Variants in PITPNC1 observed in about 807,000 individuals in gnomAD.
PITPNC1 encodes the protein phosphatidylinositol transfer protein cytoplasmic 1.
In PITPNC1, 18 loss-of-function variants were observed where a neutral mutation model predicts 44.7. The ratio of observed to expected loss-of-function variants is 0.40; its 90% CI spans 0.28 to 0.60. PITPNC1 has a LOEUF of 0.60. PITPNC1 is among the 20% of genes least tolerant of loss of function. The pLI is 0.39. For synonymous variants in PITPNC1, 141 were observed against 149.6 expected, an observed-to-expected ratio of 0.94 and a Z score of 0.42; for missense variants, 290 against 418.4, an observed-to-expected ratio of 0.69 and a Z score of 2.68.
intron 1 of PITPNC1, among the ~76,000 whole-genome samples, chr17:67,458,708 G>T (rs1719798714): frequency 2.0e-5 from 3 of 152,084 alleles, no homozygotes; most frequent in Admixed American, 1.3e-4. Context: ...TCTGCTTATG[G>T]TGTATTCTAA....
intron 2 of PITPNC1, among the ~76,000 whole-genome samples, chr17:67,550,930 T>G (rs1962135): frequency 0.029 from 4,350 of 151,962 alleles, 92 homozygotes; most frequent in Middle Eastern, 0.061. Flanking sequence ...GCGTGGTGGC[T>G]GGCGCCTGTA....
chr17:67,541,775 A>C (rs570654229), intron 2 of PITPNC1, among the ~76,000 whole-genome samples: 1 of 152,342 alleles, frequency 6.6e-6, no homozygotes, highest in South Asian at 2.1e-4. Context: ...TGGTGCCATT[A>C]GATGGAGAAG....
At chr17:67,387,068 CTT>C (rs1400171268) in intron 1 of PITPNC1, among the ~76,000 whole-genome samples, 1 of 152,178 alleles carries the variant, frequency 6.6e-6, no homozygotes, top group Non-Finnish European at 1.5e-5. Context: ...ATCTTGGAAA[CTT>C]TACTTTTTGT....
chr17:67,513,911 G>C (rs1047413675), intron 1 of PITPNC1, among the ~76,000 whole-genome samples: 1 of 152,030 alleles, frequency 6.6e-6, no homozygotes, highest in Non-Finnish European at 1.5e-5. Flanking sequence ...TGGAACATAG[G>C]CCTTTTGAGA....
chr17:67,689,274 G>A (rs1319622179), intron 8 of PITPNC1, among the ~76,000 whole-genome samples: 1 of 152,136 alleles, frequency 6.6e-6, no homozygotes, highest in African/African-American at 2.4e-5. Context: ...CACTTACTAT[G>A]TAGAAGGTGA....
At chr17:67,455,898 A>G (rs562393705) in intron 1 of PITPNC1, among the ~76,000 whole-genome samples, 14 of 152,318 alleles carry the variant, frequency 9.2e-5, no homozygotes, top group African/African-American at 3.4e-4. Context: ...TTAAAAAATT[A>G]AAACATTCTT....
chr17:67,443,455 ATCTG>A (rs2039045361), intron 1 of PITPNC1, among the ~76,000 whole-genome samples: 1 of 151,478 alleles, frequency 6.6e-6, no homozygotes, highest in Non-Finnish European at 1.5e-5. Flanking sequence ...ACTGTGATTT[ATCTG>A]TTTACCGGTG....
At chr17:67,624,039 G>C (rs765705802) in intron 5 of PITPNC1, among the ~76,000 whole-genome samples, 1 of 152,030 alleles carries the variant, frequency 6.6e-6, no homozygotes, top group Non-Finnish European at 1.5e-5. Context: ...GCACGTAATA[G>C]TTCATGAAAT....
At chr17:67,550,982 A>G (rs1277279085) in intron 2 of PITPNC1, among the ~76,000 whole-genome samples, 1 of 152,144 alleles carries the variant, frequency 6.6e-6, no homozygotes, top group African/African-American at 2.4e-5. Context: ...AATGGCGTGA[A>G]CCTGGGAGGC....
In PITPNC1 at chr17:67,381,511, G is replaced by C. The variant is rs140844561; in HGVS notation, c.48+3309G>C. Among the ~76,000 whole-genome samples, 1,351 of 147,544 alleles carry C rather than the reference G, an allele frequency of 9.2e-3. 22 individuals carry two copies. Among genetic ancestry groups the C allele is most frequent in the African/African-American group, 0.032 (1,258 of 39,908 alleles). ...AGACGGAATCTCCCTCTGTCTCCCA[G>C]GCTGGAGCGCAGTGGTGCAATCTCA... On this transcript the variant is annotated intron_variant, in intron 1 of 8. Coordinates refer to ENST00000581322, the MANE Select transcript of PITPNC1 (RefSeq NM_012417.4).
chr17:67,692,727 C>A lies in PITPNC1; in HGVS notation c.838C>A (p.Leu280Ile), dbSNP rs775729800. ...GCCTTCTAGTGCTCCATCCACCCCT[C>A]TCTCCACAGACGCACCCGAATTTCT... ...SAPSSAPSTP[L>I]STDAPEFLSV... is the part of the protein sequence containing the mutation. The change falls in exon 9 of 9, where the codon CTC becomes ATC. Residue 280 changes from leucine to isoleucine, a missense_variant. By Grantham distance (5) the Leu-to-Ile change is conservative. Transcript: ENST00000581322. The A allele has an allele frequency of 6.2e-7, 1 of 1,613,950 alleles. No individual in the cohort carries two copies. Among genetic ancestry groups the A allele is most frequent in the Non-Finnish European group, 8.5e-7 (1 of 1,179,864 alleles).
intron 1 of PITPNC1, among the ~76,000 whole-genome samples, chr17:67,525,655 A>G (rs1301104378): frequency 6.6e-6 from 1 of 152,200 alleles, no homozygotes; most frequent in East Asian, 1.9e-4. Flanking sequence ...GTTCTGCGTC[A>G]TTTATCCTTC....
intron 1 of PITPNC1, among the ~76,000 whole-genome samples, chr17:67,455,022 T>C (rs1192367152): frequency 1.3e-5 from 2 of 152,016 alleles, no homozygotes; most frequent in Non-Finnish European, 2.9e-5. Context: ...GGTCTTGCTA[T>C]GTTGCCCAGG....
intron 4 of PITPNC1, among the ~76,000 whole-genome samples, chr17:67,557,759 T>G (rs962663099): frequency 2.0e-5 from 3 of 152,262 alleles, no homozygotes; most frequent in Admixed American, 6.5e-5. Flanking sequence ...ACCCAGGATT[T>G]ATGACAGATG....
Position 67,646,367 on chromosome 17 carries a change from A to G in PITPNC1, c.462+14129A>G, listed in dbSNP as rs544064511. Among the ~76,000 whole-genome samples the G allele has an allele frequency of 6.6e-5, 10 of 152,286 alleles. No homozygotes were observed. The South Asian group carries it at 1.9e-3, about 28-fold the overall frequency. On this transcript the variant is annotated intron_variant, in intron 6 of 8. Transcript: ENST00000581322. ...CTGTTCCAAAAATACCCAAGAAAGAATAAGTGTTATTAAGGTGCTTGTCTT... is the reference window on the plus strand; with the variant it reads ...CTGTTCCAAAAATACCCAAGAAAGAGTAAGTGTTATTAAGGTGCTTGTCTT...
intron 1 of PITPNC1, among the ~76,000 whole-genome samples, chr17:67,463,056 C>G (rs1259786082): frequency 6.6e-6 from 1 of 152,238 alleles, no homozygotes; most frequent in Non-Finnish European, 1.5e-5. Flanking sequence ...CAACTAAAGA[C>G]TTTGGTTTGC....
intron 1 of PITPNC1, among the ~76,000 whole-genome samples, chr17:67,472,023 C>CT (rs1292122908): frequency 6.6e-6 from 1 of 151,824 alleles, no homozygotes. Flanking sequence ...CTGGATTTGT[C>CT]TGATGTTTTC....
At chr17:67,648,564 T>C (rs1317053684) in intron 6 of PITPNC1, among the ~76,000 whole-genome samples, 1 of 152,176 alleles carries the variant, frequency 6.6e-6, no homozygotes, top group Non-Finnish European at 1.5e-5. Flanking sequence ...GTTAGTGTTC[T>C]GCAACAGGAT....
chr17:67,609,691 G>A (rs996316008), intron 5 of PITPNC1, among the ~76,000 whole-genome samples: 2 of 151,862 alleles, frequency 1.3e-5, no homozygotes, highest in Non-Finnish European at 2.9e-5. Flanking sequence ...GGCGACAGTG[G>A]ACTCTTTCTA....
Sources: allele counts gnomAD v4.1 joint callset (sites outside exome capture counted in the v4.1 genomes callset), GRCh38; gene constraint gnomAD v4.1.1; transcripts MANE v1.5; gene names NCBI Gene and HGNC (gene_info 2026-07-23, HGNC 2026-07-21).